The following ADGRV1 variants were observed in gnomAD, a reference collection of about 807,000 sequenced individuals.
The protein encoded by ADGRV1 is adhesion G protein-coupled receptor V1.
Under a neutral mutation model 596.2 loss-of-function variants are expected in ADGRV1, and 359 were observed. The ratio of observed to expected loss-of-function variants is 0.60; its 90% CI spans 0.55 to 0.66. The LOEUF (loss-of-function observed/expected upper bound fraction) is 0.66. ADGRV1 is among the 30% of genes least tolerant of loss of function. ADGRV1 has a pLI of 0.00. For synonymous variants in ADGRV1, 2,681 were observed against 2,679.2 expected (o/e 1.00, Z -0.02); for missense variants, 7,274 against 7,575.6 (o/e 0.96, Z 1.48).
chr5:90,962,482 C>G (rs1304048987), intron 83 of ADGRV1, among the ~76,000 whole-genome samples: 1 of 152,198 alleles, frequency 6.6e-6, no homozygotes, highest in Non-Finnish European at 1.5e-5. Context: ...AATGGTGAAG[C>G]TCCATCTATT....
intron 87 of ADGRV1, among the ~76,000 whole-genome samples, chr5:91,103,184 A>G (rs1331957767): frequency 1.3e-5 from 2 of 152,152 alleles, no homozygotes; most frequent in Non-Finnish European, 2.9e-5. Flanking sequence ...CAAACTCTTC[A>G]GTTAGATCAT....
rs1478764270 is a variant in ADGRV1 at position 90,805,353 on chromosome 5, A to G, written c.14731A>G (p.Arg4911Gly). 5.0e-6 allele frequency: 8 copies of G among 1,612,740 alleles called. No individual in the cohort carries two copies. Among genetic ancestry groups the G allele is most frequent in the Non-Finnish European group, 3.4e-6 (4 of 1,179,010 alleles). Residue 4911 changes from arginine to glycine, a missense_variant, in exon 72 of 90, where the codon AGG becomes GGG. Coordinates refer to ENST00000405460, the MANE Select transcript of ADGRV1 (RefSeq NM_032119.4). ...TAGTSHVMIS[R>G]RGTYGALSVA... ...TGGCACAAGCCACGTTATGATTTCT[A>G]GGAGAGGCACATATGGAGCTCTCTC...
At chr5:91,120,727 C>G (rs533125291) in intron 87 of ADGRV1, among the ~76,000 whole-genome samples, 4 of 152,252 alleles carry the variant, frequency 2.6e-5, no homozygotes, top group Admixed American at 2.0e-4. Context: ...GTACAAAACA[C>G]TGGGCTCCAC....
chr5:90,841,554 C>G (rs1056644065), intron 78 of ADGRV1, among the ~76,000 whole-genome samples: 1 of 152,048 alleles, frequency 6.6e-6, no homozygotes, highest in Non-Finnish European at 1.5e-5. Flanking sequence ...TATTTACTTA[C>G]AACTCTGCAA....
chr5:90,580,431 C>G (rs1757859296), intron 1 of ADGRV1, among the ~76,000 whole-genome samples: 1 of 151,870 alleles, frequency 6.6e-6, no homozygotes, highest in Non-Finnish European at 1.5e-5. Context: ...TTCAGGCACA[C>G]TAATCAAACG....
chr5:91,036,963 A>G (rs957446652), intron 85 of ADGRV1, among the ~76,000 whole-genome samples: 1 of 152,162 alleles, frequency 6.6e-6, no homozygotes, highest in African/African-American at 2.4e-5. Flanking sequence ...CTGAAATACT[A>G]CCCTACTTGC....
chr5:90,778,086 T>G (rs370943600), intron 62 of ADGRV1, 43 bp downstream of exon 62: 1 of 1,535,138 alleles, frequency 6.5e-7, no homozygotes, highest in Non-Finnish European at 8.8e-7. Flanking sequence ...TTACTCTCTG[T>G]GCTGGTGTGT....
In ADGRV1 at chr5:90,813,132, CAAAA is replaced by C. The variant is rs5869522; in HGVS notation, c.16078+1823_16078+1826del. Among the ~76,000 whole-genome samples the C allele has an allele frequency of 1.0e-2, 347 of 34,844 alleles. 19 individuals carry two copies. The highest frequency in any genetic ancestry group is 0.025 in the African/African-American group (294 of 11,944). 22.9% of individuals were successfully genotyped at this position (34,844 alleles called of 152,430 possible). A position where few individuals can be genotyped will look rare whatever the true frequency, so the allele number is the denominator to read the frequency against. On this transcript the variant is annotated intron_variant, in intron 74 of 89. Transcript: ENST00000405460. Reference sequence around the variant, plus strand: ...TGGGCGACAGAGTAAGACTCCGTCTCAAAAAAAAAAAAAAAAAAAAAAAAAAAAA... The same window carrying C: ...TGGGCGACAGAGTAAGACTCCGTCTCAAAAAAAAAAAAAAAAAAAAAAAAA...
At chr5:90,712,541 G>T in intron 42 of ADGRV1, 113 bp downstream of exon 42, 2 of 804,768 alleles carry the variant, frequency 2.5e-6, no homozygotes, top group Non-Finnish European at 3.9e-6. Flanking sequence ...CTTAAAATGA[G>T]AATGATTTTA....
At chr5:90,691,450 T>C (rs1746469109) in intron 31 of ADGRV1, among the ~76,000 whole-genome samples, 1 of 149,658 alleles carries the variant, frequency 6.7e-6, no homozygotes, top group Admixed American at 6.8e-5. Context: ...AGTGGCATGA[T>C]CTTGGCTCAC....
At chr5:90,867,689 C>T (rs56008111) in intron 83 of ADGRV1, among the ~76,000 whole-genome samples, 8,795 of 152,238 alleles carry the variant, frequency 0.058, 690 homozygotes, top group African/African-American at 0.17. Flanking sequence ...GCTTGCGCTG[C>T]TTTGTTGAGA....
chr5:90,778,686 G>T (rs1419593706), intron 63 of ADGRV1, 77 bp downstream of exon 63: 3 of 1,259,722 alleles, frequency 2.4e-6, no homozygotes, highest in Non-Finnish European at 3.2e-6. Context: ...TTCTATTCCA[G>T]AGTTTTCATA....
intron 87 of ADGRV1, among the ~76,000 whole-genome samples, chr5:91,147,470 C>A (rs955349846): frequency 1.3e-5 from 2 of 152,126 alleles, no homozygotes; most frequent in South Asian, 2.1e-4. Flanking sequence ...ATCATGGGGG[C>A]AGTTTATCCC....
At chr5:90,836,949 A>G (rs908382313) in intron 77 of ADGRV1, among the ~76,000 whole-genome samples, 12 of 152,374 alleles carry the variant, frequency 7.9e-5, no homozygotes, top group African/African-American at 2.9e-4. Flanking sequence ...GCTGGCATGA[A>G]TGAGAAAATA....
chr5:90,613,425 A>G (rs1289575978), intron 1 of ADGRV1, among the ~76,000 whole-genome samples: 1 of 152,054 alleles, frequency 6.6e-6, no homozygotes, highest in Non-Finnish European at 1.5e-5. Flanking sequence ...TGTCTCACAC[A>G]TGCTTTGCTT....
chr5:91,150,018 T>TC lies in ADGRV1; in HGVS notation c.18433-12_18433-11insC. The TC allele has an allele frequency of 2.0e-6, 3 of 1,502,898 alleles. No individual in the cohort carries two copies. Among genetic ancestry groups the TC allele is most frequent in the South Asian group, 2.7e-5 (2 of 74,798 alleles). The allele number at this position is 1,502,898 out of a possible 1,614,324, so 93.1% of individuals were successfully genotyped here. On this transcript the variant is annotated splice_polypyrimidine_tract_variant and intron_variant, in intron 87 of 89. Coordinates refer to ENST00000405460, the MANE Select transcript of ADGRV1 (RefSeq NM_032119.4). Reference sequence around the variant, plus strand: ...CTTTTTCTTTTCTTTTCTTTTTTTTTTTTTTTTGCAGGGACTTTATGTTTT... The same window carrying TC: ...CTTTTTCTTTTCTTTTCTTTTTTTTTCTTTTTTTGCAGGGACTTTATGTTTT...
chr5:90,755,011 A>C lies in ADGRV1; in HGVS notation c.11406A>C (p.Ile3802=), dbSNP rs775338988. 1 of 1,613,146 alleles carries C rather than the reference A, an allele frequency of 6.2e-7. No individual in the cohort carries two copies. The highest frequency in any genetic ancestry group is 1.1e-5 in the South Asian group (1 of 91,036). ...ACACCACCACTCTTCAGTTACAAAT[A>C]GCTCGAGATAAAGGACTACTTGGGG... The part of the protein sequence containing the change: ...KENTTTLQLQ[I]ARDKGLLGDI... Residue 3802 remains isoleucine, a synonymous_variant, in exon 55 of 90, where the codon ATA becomes ATC. Transcript: ENST00000405460.
In ADGRV1 at chr5:90,683,589, A is replaced by G. The variant is rs1745222264; in HGVS notation, c.5668A>G (p.Ile1890Val). ...DGYSTVTLNV[I>V]RHHGTLSPVT... ...TTTAATATTAAGTATTTTGTAGGTTATAAGACATCATGGAACTCTGTCTCC... is the reference window on the plus strand; with the variant it reads ...TTTAATATTAAGTATTTTGTAGGTTGTAAGACATCATGGAACTCTGTCTCC... The change falls in exon 28 of 90, where the codon ATA (isoleucine) becomes GTA (valine). Residue 1890 changes from isoleucine to valine, a missense_variant. Transcript: ENST00000405460. 1 of 1,592,752 alleles carries G rather than the reference A, an allele frequency of 6.3e-7. No homozygotes were observed. Among genetic ancestry groups the G allele is most frequent in the South Asian group, 1.1e-5 (1 of 89,450 alleles).
chr5:90,831,623 A>G (rs1401721678), intron 77 of ADGRV1, among the ~76,000 whole-genome samples: 1 of 152,100 alleles, frequency 6.6e-6, no homozygotes, highest in Non-Finnish European at 1.5e-5. Context: ...ATTGTTGACT[A>G]TAGTCGTGCT....
Sources: allele counts gnomAD v4.1 joint callset (sites outside exome capture counted in the v4.1 genomes callset), GRCh38; gene constraint gnomAD v4.1.1; transcripts MANE v1.5; gene names NCBI Gene and HGNC (gene_info 2026-07-23, HGNC 2026-07-21).